Variants in GMDS observed in about 807,000 individuals in gnomAD.
GMDS encodes GDP-mannose 4,6-dehydratase, also known as GDP-mannose 4,6 dehydratase.
In GMDS, 20 loss-of-function variants were observed where a neutral mutation model predicts 49.9. The ratio of observed to expected loss-of-function variants is 0.40; its 90% CI spans 0.28 to 0.58. The LOEUF (loss-of-function observed/expected upper bound fraction) is 0.58. Among genes scored for constraint, GMDS ranks in the 20% least tolerant of loss-of-function variants. The pLI is 0.42. For missense variants in GMDS, 362 were observed against 481.4 expected (o/e 0.75, Z 2.32); for synonymous variants, 177 against 178.6 (o/e 0.99, Z 0.07).
At chr6:1,669,917 CA>C (rs66490758) in intron 9 of GMDS, among the ~76,000 whole-genome samples, 6,208 of 44,070 alleles carry the variant, frequency 0.14, 59 homozygotes, top group Middle Eastern at 0.22. Flanking sequence ...GACTCCATCT[CA>C]AAAAAAAAAA....
intron 4 of GMDS, among the ~76,000 whole-genome samples, chr6:1,999,876 G>C (rs1306041321): frequency 3.5e-5 from 4 of 115,062 alleles, no homozygotes; most frequent in Non-Finnish European, 5.1e-5. Context: ...AAAAATACCA[G>C]TTTTATTGAG....
At chr6:1,996,294 C>T (rs112556504) in intron 4 of GMDS, among the ~76,000 whole-genome samples, 2,248 of 152,234 alleles carry the variant, frequency 0.015, 31 homozygotes, top group Non-Finnish European at 0.025. Flanking sequence ...GCTGGGGTTT[C>T]CTCACTGGGA....
chr6:1,902,658 C>T (rs114767503), intron 7 of GMDS, among the ~76,000 whole-genome samples: 2,681 of 152,184 alleles, frequency 0.018, 81 homozygotes, highest in African/African-American at 0.061. Flanking sequence ...AATAGTAAGA[C>T]GCTATATATG....
chr6:2,219,425 G>A (rs113757596), intron 1 of GMDS, among the ~76,000 whole-genome samples: 19 of 152,228 alleles, frequency 1.2e-4, no homozygotes, highest in African/African-American at 3.1e-4. Flanking sequence ...GACGATATTC[G>A]TAATCACTTT....
At chr6:1,718,388 C>T (rs1766248076) in intron 9 of GMDS, among the ~76,000 whole-genome samples, 1 of 152,204 alleles carries the variant, frequency 6.6e-6, no homozygotes, top group Admixed American at 6.5e-5. Flanking sequence ...CCAGCATCGT[C>T]ACCTCCCCAC....
At chr6:1,709,934 T>C (rs1302136212) in intron 9 of GMDS, among the ~76,000 whole-genome samples, 1 of 152,224 alleles carries the variant, frequency 6.6e-6, no homozygotes, top group African/African-American at 2.4e-5. Flanking sequence ...TTTTGCTTCA[T>C]GCAGCAGCTT....
At chr6:2,031,134 C>T (rs1309177499) in intron 4 of GMDS, among the ~76,000 whole-genome samples, 1 of 152,200 alleles carries the variant, frequency 6.6e-6, no homozygotes, top group East Asian at 1.9e-4. Context: ...TTAACACGCA[C>T]ATCCTGATGC....
At chr6:2,169,891 G>C (rs756276661) in intron 1 of GMDS, among the ~76,000 whole-genome samples, 4 of 151,952 alleles carry the variant, frequency 2.6e-5, no homozygotes, top group Non-Finnish European at 5.9e-5. Flanking sequence ...TTCAGAAGGT[G>C]CTATCTGGTG....
At chr6:1,684,319 C>T (rs1764896887) in intron 9 of GMDS, among the ~76,000 whole-genome samples, 1 of 152,182 alleles carries the variant, frequency 6.6e-6, no homozygotes, top group Non-Finnish European at 1.5e-5. Context: ...CACAGACATA[C>T]TTCCCAGATG....
intron 4 of GMDS, among the ~76,000 whole-genome samples, chr6:2,047,690 T>C (rs949143308): frequency 1.3e-5 from 2 of 152,072 alleles, no homozygotes; most frequent in African/African-American, 4.8e-5. Flanking sequence ...GGTCTCGCCA[T>C]GTTAGCCAGG....
intron 7 of GMDS, among the ~76,000 whole-genome samples, chr6:1,822,127 C>A (rs1402342761): frequency 1.3e-5 from 2 of 152,200 alleles, no homozygotes; most frequent in Non-Finnish European, 2.9e-5. Flanking sequence ...TTCTTGTTCA[C>A]TGAGTCCTGC....
intron 1 of GMDS, among the ~76,000 whole-genome samples, chr6:2,188,648 G>A (rs1448420294): frequency 6.6e-6 from 1 of 152,190 alleles, no homozygotes; most frequent in Non-Finnish European, 1.5e-5. Flanking sequence ...AAGATGACAA[G>A]TCTTGATTCT....
At chr6:1,738,036 C>CACACCAT (rs1561769652) in intron 8 of GMDS, among the ~76,000 whole-genome samples, 2 of 146,126 alleles carry the variant, frequency 1.4e-5, no homozygotes, top group African/African-American at 5.1e-5. Flanking sequence ...ACACACCACA[C>CACACCAT]ACACACACCA....
At chr6:2,160,815 C>T (rs190039441) in intron 1 of GMDS, among the ~76,000 whole-genome samples, 2 of 152,180 alleles carry the variant, frequency 1.3e-5, no homozygotes, top group African/African-American at 4.8e-5. Context: ...GCATGAGCCA[C>T]GACCACACCT....
chr6:2,064,375 C>G (rs186291815), intron 4 of GMDS, among the ~76,000 whole-genome samples: 2 of 151,752 alleles, frequency 1.3e-5, no homozygotes, highest in Admixed American at 6.6e-5. Context: ...TACAAAAAAC[C>G]GAAGTGTGGG....
chr6:2,222,357 G>T (rs983555214), intron 1 of GMDS, among the ~76,000 whole-genome samples: 1 of 152,142 alleles, frequency 6.6e-6, no homozygotes, highest in African/African-American at 2.4e-5. Context: ...AATTCCAAAT[G>T]GCTCCAAAAC....
intron 4 of GMDS, among the ~76,000 whole-genome samples, chr6:2,086,669 C>G (rs1367999727): frequency 6.6e-6 from 1 of 152,242 alleles, no homozygotes; most frequent in Non-Finnish European, 1.5e-5. Context: ...GATAGATTTT[C>G]TTCTGCCTGT....
chr6:1,681,204 T>A (rs1764776693), intron 9 of GMDS, among the ~76,000 whole-genome samples: 1 of 149,874 alleles, frequency 6.7e-6, no homozygotes, highest in Admixed American at 6.7e-5. Context: ...CATGTGCCAA[T>A]GCAGAAGAGG....
rs1213909406 is a variant in GMDS at position 1,634,422 on chromosome 6, G to C, written c.988-9882C>G. 2.6e-5 allele frequency among the ~76,000 whole-genome samples: 4 copies of C among 152,224 alleles called. No individual in the cohort carries two copies. In the East Asian group the frequency reaches 7.7e-4, roughly 29 times the overall value. The stretch of plus-strand genomic sequence containing the variant: ...TGGTTAAAGGCCTTCTCCTTTCCCA[G>C]TAGCTCTCAAGAGGATGAGGCACAG... On this transcript the variant is annotated intron_variant, in intron 9 of 10. Coordinates refer to ENST00000380815, the MANE Select transcript of GMDS (RefSeq NM_001500.4).
Sources: allele counts gnomAD v4.1 joint callset (sites outside exome capture counted in the v4.1 genomes callset), GRCh38; gene constraint gnomAD v4.1.1; transcripts MANE v1.5; gene names NCBI Gene and HGNC (gene_info 2026-07-23, HGNC 2026-07-21).